ROBO2: variants seen among roughly 807,000 people sequenced by gnomAD.
ROBO2 encodes the protein roundabout guidance receptor 2.
A neutral mutation model predicts 160.8 loss-of-function variants in ROBO2; 53 were observed. That is an observed-to-expected ratio of 0.33 (90% CI 0.26 to 0.41). ROBO2 has a LOEUF of 0.41. Ranked by LOEUF, ROBO2 falls within the 10% of genes least tolerant of loss-of-function variation. ROBO2 has a pLI of 1.00. For missense variants in ROBO2, 1,577 were observed against 1,722.4 expected (o/e 0.92, Z 1.49); for synonymous variants, 664 against 611.7 (o/e 1.09, Z -1.26).
chr3:76,666,873 T>C (rs2110119980), intron 2 of ROBO2, among the ~76,000 whole-genome samples: 1 of 152,174 alleles, frequency 6.6e-6, no homozygotes, highest in East Asian at 1.9e-4. Context: ...TAGAAAACAG[T>C]TATCCTCAGC....
intron 2 of ROBO2, among the ~76,000 whole-genome samples, chr3:77,025,421 C>G (rs2062903624): frequency 6.6e-6 from 1 of 152,068 alleles, no homozygotes; most frequent in South Asian, 2.1e-4. Flanking sequence ...CTTGGTGTAA[C>G]AAATCCAAAT....
intron 2 of ROBO2, among the ~76,000 whole-genome samples, chr3:76,943,249 G>A (rs2078308741): frequency 1.3e-5 from 2 of 152,190 alleles, no homozygotes; most frequent in African/African-American, 2.4e-5. Context: ...TTTGCGCTGG[G>A]GAATTCCCTT....
chr3:76,212,442 T>C (rs571699680), intron 2 of ROBO2, among the ~76,000 whole-genome samples: 31 of 152,048 alleles, frequency 2.0e-4, no homozygotes, highest in African/African-American at 7.2e-4. Flanking sequence ...AATCAGAAAA[T>C]ATAATTTAAA....
At chr3:77,372,438 G>A (rs1483926226) in intron 2 of ROBO2, among the ~76,000 whole-genome samples, 1 of 152,016 alleles carries the variant, frequency 6.6e-6, no homozygotes, top group Non-Finnish European at 1.5e-5. Context: ...TTTATAGTTT[G>A]TAGGAGAGAA....
chr3:76,224,162 A>G (rs756485086), intron 2 of ROBO2, among the ~76,000 whole-genome samples: 25 of 152,296 alleles, frequency 1.6e-4, no homozygotes, highest in Middle Eastern at 3.4e-3. Flanking sequence ...AATAGCACAG[A>G]TTTTTGGTAC....
chr3:77,089,183 G>A (rs2069774916), intron 1 of ROBO2, among the ~76,000 whole-genome samples: 1 of 152,144 alleles, frequency 6.6e-6, no homozygotes. Context: ...TCTAAAATGT[G>A]GGTAAGAAGA....
At chr3:77,370,695 T>C (rs1238782030) in intron 2 of ROBO2, among the ~76,000 whole-genome samples, 1 of 152,358 alleles carries the variant, frequency 6.6e-6, no homozygotes, top group South Asian at 2.1e-4. Flanking sequence ...AATAACTGAA[T>C]AAAACTTTAA....
At chr3:77,047,138 C>G (rs1344024069) in intron 1 of ROBO2, among the ~76,000 whole-genome samples, 1 of 151,856 alleles carries the variant, frequency 6.6e-6, no homozygotes, top group Non-Finnish European at 1.5e-5. Context: ...AAAGAAGTAA[C>G]CAGAAAAATG....
At chr3:77,249,304 A>G (rs572045037) in intron 2 of ROBO2, among the ~76,000 whole-genome samples, 4 of 152,356 alleles carry the variant, frequency 2.6e-5, no homozygotes, top group Admixed American at 6.5e-5. Context: ...ATTTTTTACA[A>G]TTGCTTTAGT....
rs1339461568 is a variant in ROBO2 at position 76,457,407 on chromosome 3, G to T, written c.109+519805G>T. Among the ~76,000 whole-genome samples, 4 of 152,222 alleles carry T rather than the reference G, an allele frequency of 2.6e-5. No homozygotes were observed. In the East Asian group the frequency reaches 5.8e-4, roughly 22 times the overall value. On this transcript the variant is annotated intron_variant, in intron 2 of 26. Transcript: ENST00000487694. Reference sequence around the variant, plus strand: ...TTTTGACTCCAGGTCTCACATCGAGGTTATGCTAATGCAAGAGGTGGGTTC... The same window carrying T: ...TTTTGACTCCAGGTCTCACATCGAGTTTATGCTAATGCAAGAGGTGGGTTC...
intron 2 of ROBO2, among the ~76,000 whole-genome samples, chr3:76,252,744 C>T (rs961485850): frequency 5.8e-4 from 73 of 125,230 alleles, no homozygotes; most frequent in African/African-American, 1.8e-3. Context: ...ATATATAAAA[C>T]GCATGTATAT....
chr3:76,428,135 G>A (rs568600827), intron 2 of ROBO2, among the ~76,000 whole-genome samples: 164 of 152,188 alleles, frequency 1.1e-3, no homozygotes, highest in African/African-American at 3.8e-3. Flanking sequence ...TAGTCTGTCT[G>A]TTCAGCAGGA....
chr3:77,367,959 T>A (rs1265900479), intron 2 of ROBO2, among the ~76,000 whole-genome samples: 1 of 152,208 alleles, frequency 6.6e-6, no homozygotes, highest in Non-Finnish European at 1.5e-5. Context: ...TTCTTCCATC[T>A]AAGAATTTTA....
At chr3:77,369,132 G>A (rs141252716) in intron 2 of ROBO2, among the ~76,000 whole-genome samples, 28 of 152,230 alleles carry the variant, frequency 1.8e-4, no homozygotes, top group African/African-American at 5.8e-4. Flanking sequence ...TCTTGATCGT[G>A]GCCAAAGCTG....
At chr3:76,886,776 G>A (rs114680668) in intron 2 of ROBO2, among the ~76,000 whole-genome samples, 224 of 152,254 alleles carry the variant, frequency 1.5e-3, no homozygotes, top group African/African-American at 5.0e-3. Flanking sequence ...TGAGGGTGTG[G>A]TGAGAGATGA....
chr3:76,134,282 C>A, intron 2 of ROBO2, among the ~76,000 whole-genome samples: 1 of 151,082 alleles, frequency 6.6e-6, no homozygotes, highest in East Asian at 1.9e-4. Context: ...TTTTTTCTCT[C>A]TCTCTCTCTG....
intron 2 of ROBO2, among the ~76,000 whole-genome samples, chr3:76,705,971 T>C (rs1005661428): frequency 6.6e-6 from 1 of 152,140 alleles, no homozygotes; most frequent in African/African-American, 2.4e-5. Flanking sequence ...AATCCAGTTA[T>C]ACATTTTTTT....
intron 2 of ROBO2, among the ~76,000 whole-genome samples, chr3:76,407,166 AT>A (rs1227843611): frequency 1.3e-5 from 2 of 151,812 alleles, no homozygotes; most frequent in Non-Finnish European, 2.9e-5. Context: ...GTTTATTAAC[AT>A]GGTCACCTGA....
intron 2 of ROBO2, among the ~76,000 whole-genome samples, chr3:77,308,643 A>G (rs529970215): frequency 6.6e-6 from 1 of 152,202 alleles, no homozygotes; most frequent in Non-Finnish European, 1.5e-5. Flanking sequence ...TATGATATAT[A>G]CTAAAGATAA....
Sources: gnomAD v4.1 joint callset for allele counts (sites outside exome capture counted in the v4.1 genomes callset) on GRCh38, gnomAD v4.1.1 for gene constraint, MANE v1.5 for transcripts, NCBI Gene and HGNC (gene_info 2026-07-23, HGNC 2026-07-21) for gene names.